Variants in ZFP1 observed in about 807,000 individuals in gnomAD.
The protein encoded by ZFP1 is ZFP1 zinc finger protein.
A neutral mutation model predicts 38.5 loss-of-function variants in ZFP1; 32 were observed. That is an observed-to-expected ratio of 0.83 (90% CI 0.63 to 1.12). ZFP1 has a LOEUF of 1.12. ZFP1 is among the 50% of genes most tolerant of loss of function. ZFP1 has a pLI of 0.00. For missense variants in ZFP1, 616 were observed against 480.8 expected (o/e 1.28, Z -2.63); for synonymous variants, 245 against 168.8 (o/e 1.45, Z -3.50).
At chr16:75,155,867 TAACA>T (rs1186852219) in intron 2 of ZFP1, among the ~76,000 whole-genome samples, 3 of 152,234 alleles carry the variant, frequency 2.0e-5, no homozygotes, top group East Asian at 1.9e-4. Context: ...AAAATTTAGT[TAACA>T]AACTATAACT....
chr16:75,139,232 G>C, the ZFP1 span, among the ~76,000 whole-genome samples: 1 of 151,834 alleles, frequency 6.6e-6, no homozygotes, highest in African/African-American at 2.4e-5. Context: ...AGCCAGGTGT[G>C]GTGGCGGGTG....
intron 2 of ZFP1, among the ~76,000 whole-genome samples, chr16:75,163,013 G>A (rs573212209): frequency 5.9e-5 from 9 of 151,390 alleles, no homozygotes; most frequent in African/African-American, 1.9e-4. Flanking sequence ...GGGTTCAAGC[G>A]ATTCTTCTGC....
intron 2 of ZFP1, among the ~76,000 whole-genome samples, chr16:75,161,631 A>AC (rs1195921745): frequency 6.7e-6 from 1 of 150,210 alleles, no homozygotes; most frequent in Non-Finnish European, 1.5e-5. Flanking sequence ...CCTGAAACTC[A>AC]CAGGCTTTTC....
chr16:75,158,096 C>CT (rs947619555), intron 2 of ZFP1, among the ~76,000 whole-genome samples: 2 of 149,544 alleles, frequency 1.3e-5, no homozygotes, highest in Admixed American at 6.7e-5. Flanking sequence ...CCCATACCTC[C>CT]TTTTTTTTAT....
chr16:75,121,201 C>T, the ZFP1 span, among the ~76,000 whole-genome samples: 1 of 150,174 alleles, frequency 6.7e-6, no homozygotes, highest in Non-Finnish European at 1.5e-5. Context: ...GTCTCGCTGT[C>T]ACCCAGGTTG....
At chr16:75,142,253 G>A in the ZFP1 span, among the ~76,000 whole-genome samples, 1 of 150,944 alleles carries the variant, frequency 6.6e-6, no homozygotes, top group African/African-American at 2.4e-5. Context: ...TGTAGTCCCA[G>A]CTACTCGGGA....
In ZFP1 at chr16:75,169,469, TTAATAG is replaced by T; in HGVS notation, c.366_371del (p.Ser122_Asn123del). 6.2e-7 allele frequency: 1 copy of T among 1,612,950 alleles called. No individual in the cohort carries two copies. The highest frequency in any genetic ancestry group is 8.5e-7 in the Non-Finnish European group (1 of 1,179,792). ...ACTTTGAAATATAATTCAGACTTGCTTAATAGTAATAGAAGCTATGCAGGAAAGCAG... is the reference window on the plus strand; with the variant it reads ...ACTTTGAAATATAATTCAGACTTGCTTAATAGAAGCTATGCAGGAAAGCAG... On this transcript the variant is annotated inframe_deletion, in exon 4 of 4. Coordinates refer to ENST00000570010, the MANE Select transcript of ZFP1 (RefSeq NM_153688.4).
At chr16:75,146,912 C>T (rs1159504716), upstream of ZFP1, among the ~76,000 whole-genome samples, 1 of 135,972 alleles carries the variant, frequency 7.4e-6, no homozygotes, top group Non-Finnish European at 1.5e-5. Context: ...TGCACTCCAA[C>T]CTGGGTGACA....
chr16:75,120,641 G>C, the ZFP1 span, among the ~76,000 whole-genome samples: 2 of 151,134 alleles, frequency 1.3e-5, no homozygotes, highest in African/African-American at 4.9e-5. Flanking sequence ...TCACTCTGTC[G>C]CCCAGGCTGG....
intron 2 of ZFP1, among the ~76,000 whole-genome samples, chr16:75,161,038 C>G (rs2037746296): frequency 6.6e-6 from 1 of 151,840 alleles, no homozygotes. Context: ...GCTTTACAGA[C>G]CCAAACACCA....
chr16:75,152,265 G>A (rs1001630846), intron 1 of ZFP1, among the ~76,000 whole-genome samples: 1 of 152,024 alleles, frequency 6.6e-6, no homozygotes, highest in African/African-American at 2.4e-5. Flanking sequence ...ATTATTTTTG[G>A]AAAATTCTTG....
At chr16:75,137,458 A>AATTTT in the ZFP1 span, among the ~76,000 whole-genome samples, 1 of 34,828 alleles carries the variant, frequency 2.9e-5, no homozygotes, top group Non-Finnish European at 6.0e-5. Flanking sequence ...TACAAAAAAA[A>AATTTT]TTCTTTTTTT....
the ZFP1 span, among the ~76,000 whole-genome samples, chr16:75,141,754 A>G: frequency 2.7e-3 from 410 of 151,736 alleles, 3 homozygotes; most frequent in Non-Finnish European, 3.6e-3. Context: ...AAAAAAAAAA[A>G]AGAGAGAAAA....
chr16:75,148,060 A>T (rs138551273), upstream of ZFP1, among the ~76,000 whole-genome samples: 29 of 152,308 alleles, frequency 1.9e-4, no homozygotes, highest in East Asian at 5.6e-3. Context: ...TGGCCTGGGA[A>T]AAAAGGGAAA....
chr16:75,140,908 G>C, the ZFP1 span, among the ~76,000 whole-genome samples: 5 of 151,950 alleles, frequency 3.3e-5, no homozygotes, highest in South Asian at 6.2e-4. Flanking sequence ...GCAGTGAGCC[G>C]AGATCGCACC....
intron 2 of ZFP1, among the ~76,000 whole-genome samples, chr16:75,165,587 G>T (rs1011485544): frequency 6.6e-6 from 1 of 152,172 alleles, no homozygotes. Context: ...TAGAGATGGG[G>T]TTTCACCATC....
the ZFP1 span, among the ~76,000 whole-genome samples, chr16:75,133,132 C>G: frequency 6.6e-6 from 1 of 151,850 alleles, no homozygotes; most frequent in Admixed American, 6.6e-5. Context: ...TGCATGCCAC[C>G]ACGCCCAGCT....
At chr16:75,131,017 G>C in the ZFP1 span, among the ~76,000 whole-genome samples, 4 of 152,064 alleles carry the variant, frequency 2.6e-5, no homozygotes, top group Admixed American at 6.6e-5. Flanking sequence ...CCTATATCCC[G>C]CTTCCTCCCA....
upstream of ZFP1, chr16:75,148,413 C>T (rs1014302806): frequency 6.6e-6 from 1 of 152,288 alleles, no homozygotes; most frequent in South Asian, 2.1e-4. Context: ...GCCCCGGAGG[C>T]TTGTGGGAAA....
Sources: gnomAD v4.1 joint callset for allele counts (sites outside exome capture counted in the v4.1 genomes callset) on GRCh38, gnomAD v4.1.1 for gene constraint, MANE v1.5 for transcripts, NCBI Gene and HGNC (gene_info 2026-07-23, HGNC 2026-07-21) for gene names.